Variants in TBPL2 observed in about 807,000 individuals in gnomAD.
TBPL2 encodes TATA box-binding protein-like 2.
Under a neutral mutation model 38.2 loss-of-function variants are expected in TBPL2, and 40 were observed. The observed-to-expected ratio is 1.05, with a 90% CI of 0.81 to 1.36. The LOEUF is 1.36. TBPL2 is among the 40% of genes most tolerant of loss of function. TBPL2 has a pLI of 0.00. For synonymous variants in TBPL2, 169 were observed against 171.7 expected, an observed-to-expected ratio of 0.98 and a Z score of 0.12; for missense variants, 461 against 456.7, an observed-to-expected ratio of 1.01 and a Z score of -0.09.
Position 55,435,939 on chromosome 14 carries a change from A to C in TBPL2, c.609-5T>G. ...TTTACAGTGGAAACTATATTCCTGA[A>C]GAAATAAGTCAGTTTAGAAACTTAT... On this transcript the variant is annotated splice_region_variant and splice_polypyrimidine_tract_variant and intron_variant, in intron 2 of 6. Coordinates refer to ENST00000247219, the Ensembl canonical transcript of TBPL2. 6.4e-7 allele frequency: 1 copy of C among 1,555,130 alleles called. No homozygotes were observed. The highest frequency in any genetic ancestry group is 8.7e-7 in the Non-Finnish European group (1 of 1,152,268).
intron 6 of TBPL2, among the ~76,000 whole-genome samples, chr14:55,415,466 T>A (rs1885654425): frequency 1.3e-5 from 2 of 152,082 alleles, no homozygotes; most frequent in Non-Finnish European, 2.9e-5. Context: ...CACCCCAAAT[T>A]GAAAACAGGT....
chr14:55,432,858 C>T (rs77214407), intron 4 of TBPL2, among the ~76,000 whole-genome samples: 70 of 152,252 alleles, frequency 4.6e-4, no homozygotes, highest in East Asian at 4.2e-3. Flanking sequence ...GCTTCCTCTG[C>T]GTGAGATCCA....
At chr14:55,418,518 A>G (rs545140249) in intron 6 of TBPL2, among the ~76,000 whole-genome samples, 3 of 152,312 alleles carry the variant, frequency 2.0e-5, no homozygotes, top group African/African-American at 7.2e-5. Flanking sequence ...TATGACATAT[A>G]CCAATTTACT....
intron 4 of TBPL2, 129 bp downstream of exon 4, chr14:55,433,501 T>C (rs982772478): frequency 2.3e-6 from 2 of 853,744 alleles, no homozygotes; most frequent in South Asian, 1.7e-5. Context: ...TGGCATTTCA[T>C]TGAATAAAGT....
intron 2 of TBPL2, 89 bp from the exon 3 acceptor site, chr14:55,436,023 T>C: frequency 1.3e-6 from 1 of 778,744 alleles, no homozygotes; most frequent in Non-Finnish European, 2.0e-6. Context: ...TCTTAGGTTA[T>C]ACCTTAGCAA....
At chr14:55,431,449 T>A (rs1885924061) in intron 4 of TBPL2, among the ~76,000 whole-genome samples, 1 of 152,242 alleles carries the variant, frequency 6.6e-6, no homozygotes, top group South Asian at 2.1e-4. Flanking sequence ...GTGACCATCC[T>A]TTCAGCTCAG....
At chr14:55,416,611 CAGATTT>C (rs1417159917) in intron 6 of TBPL2, among the ~76,000 whole-genome samples, 1 of 152,086 alleles carries the variant, frequency 6.6e-6, no homozygotes, top group Non-Finnish European at 1.5e-5. Flanking sequence ...CAAGTTTCAG[CAGATTT>C]TTAGTTCCAG....
intron 5 of TBPL2, among the ~76,000 whole-genome samples, chr14:55,424,725 GA>G (rs1205483847): frequency 3.3e-5 from 5 of 152,138 alleles, no homozygotes; most frequent in Non-Finnish European, 7.4e-5. Context: ...ATTTGTATTT[GA>G]ACAGGTGCTA....
chr14:55,415,739 G>A (rs529855887), intron 6 of TBPL2, among the ~76,000 whole-genome samples: 3 of 152,052 alleles, frequency 2.0e-5, no homozygotes, highest in East Asian at 3.9e-4. Flanking sequence ...GGCGGTGGGC[G>A]TCTGTCATCC....
exon 2 of TBPL2, chr14:55,436,877 C>T: frequency 6.2e-7 from 1 of 1,614,198 alleles, no homozygotes. Context: ...AAGCTAAGAT[C>T]CACAGATGAG....
chr14:55,414,469 C>T lies in TBPL2; in HGVS notation c.1052-14G>A. On this transcript the variant is annotated splice_polypyrimidine_tract_variant and intron_variant, in intron 6 of 6. Coordinates refer to ENST00000247219, the Ensembl canonical transcript of TBPL2. Reference sequence around the variant, plus strand: ...GTTCTTTGGCACCTATAAAGAAATCCAGGTTTATATAATTTTTAATATAAA... The same window carrying T: ...GTTCTTTGGCACCTATAAAGAAATCTAGGTTTATATAATTTTTAATATAAA... 1 of 1,572,630 alleles carries T rather than the reference C, an allele frequency of 6.4e-7. No homozygotes were observed. The highest frequency in any genetic ancestry group is 1.2e-5 in the South Asian group (1 of 83,922).
In TBPL2 at chr14:55,414,497, T is replaced by A. The variant is rs766085088; in HGVS notation, c.1052-42A>T. 14 of 1,385,790 alleles carry A rather than the reference T, an allele frequency of 1.0e-5. No individual in the cohort carries two copies. The East Asian group carries it at 3.5e-4, about 35-fold the overall frequency. 85.8% of individuals were successfully genotyped at this position (1,385,790 alleles called of 1,614,324 possible). A position where few individuals can be genotyped will look rare whatever the true frequency, so the allele number is the denominator to read the frequency against. On this transcript the variant is annotated intron_variant, in intron 6 of 6. Coordinates refer to ENST00000247219, the Ensembl canonical transcript of TBPL2. ...GTTTATATAATTTTTAATATAAAAATACCAACATTTACTTAAACACTAAAA... is the reference window on the plus strand; with the variant it reads ...GTTTATATAATTTTTAATATAAAAAAACCAACATTTACTTAAACACTAAAA...
chr14:55,429,042 T>G, intron 4 of TBPL2, 68 bp from the exon 5 acceptor site: 1 of 1,564,322 alleles, frequency 6.4e-7, no homozygotes, highest in Non-Finnish European at 8.7e-7. Context: ...GGTGTTGTAT[T>G]GGATTGTTAC....
intron 5 of TBPL2, among the ~76,000 whole-genome samples, chr14:55,425,179 C>T (rs568179123): frequency 6.6e-6 from 1 of 152,270 alleles, no homozygotes; most frequent in South Asian, 2.1e-4. Flanking sequence ...TCTTGCCCAT[C>T]TCAAGTATAG....
At chr14:55,433,511 T>G in intron 4 of TBPL2, 119 bp downstream of exon 4, 1 of 917,432 alleles carries the variant, frequency 1.1e-6, no homozygotes, top group Non-Finnish European at 1.7e-6. Flanking sequence ...TTGAATAAAG[T>G]CTTCAGCAAA....
chr14:55,419,138 G>A (rs1885708303), intron 6 of TBPL2, among the ~76,000 whole-genome samples: 1 of 152,270 alleles, frequency 6.6e-6, no homozygotes, highest in Non-Finnish European at 1.5e-5. Flanking sequence ...AGGTGTTATT[G>A]TAGACTTGCA....
At chr14:55,426,927 A>G (rs1476665068) in intron 5 of TBPL2, among the ~76,000 whole-genome samples, 2 of 149,986 alleles carry the variant, frequency 1.3e-5, no homozygotes, top group African/African-American at 5.1e-5. Context: ...AAATGAATGG[A>G]CACTTGGGAA....
intron 5 of TBPL2, among the ~76,000 whole-genome samples, chr14:55,428,276 C>G (rs1432862875): frequency 1.3e-5 from 2 of 151,794 alleles, no homozygotes; most frequent in Non-Finnish European, 2.9e-5. Flanking sequence ...ACTACAGGCG[C>G]CCGCTGCCAC....
At position 55,421,339 on chromosome 14, in the gene TBPL2, G is replaced by A. The variant is rs192762785; in HGVS notation, c.1051+2820C>T. On this transcript the variant is annotated intron_variant, in intron 6 of 6. Coordinates refer to ENST00000247219, the Ensembl canonical transcript of TBPL2. Reference sequence around the variant, plus strand: ...CTCACTTCCTCTAGGACATGTAGAGGTAAACTTTATGTCAGTCACTAGGGG... The same window carrying A: ...CTCACTTCCTCTAGGACATGTAGAGATAAACTTTATGTCAGTCACTAGGGG... 3.3e-3 allele frequency among the ~76,000 whole-genome samples: 496 copies of A among 152,248 alleles called. 4 individuals are homozygous for A. Among genetic ancestry groups the A allele is most frequent in the African/African-American group, 0.011 (473 of 41,560 alleles).
Sources: allele counts gnomAD v4.1 joint callset (sites outside exome capture counted in the v4.1 genomes callset), GRCh38; gene constraint gnomAD v4.1.1; transcripts MANE v1.5; gene names NCBI Gene and HGNC (gene_info 2026-07-23, HGNC 2026-07-21).